The following DISC1 variants were observed in gnomAD, a reference collection of about 807,000 sequenced individuals.
DISC1 encodes the protein DISC1 scaffold protein.
DISC1 carries 57 observed loss-of-function variants against 84.5 expected under a neutral mutation model. That is an observed-to-expected ratio of 0.67 (90% CI 0.55 to 0.84). DISC1 has a LOEUF of 0.84. Ranked by LOEUF, DISC1 falls within the 40% of genes least tolerant of loss-of-function variation. DISC1 has a pLI of 0.00. For missense variants in DISC1, 1,000 were observed against 1,057.8 expected (o/e 0.95, Z 0.76); for synonymous variants, 411 against 415.2 (o/e 0.99, Z 0.12).
intron 9 of DISC1, among the ~76,000 whole-genome samples, chr1:231,850,056 T>C (rs1413345224): frequency 6.6e-6 from 1 of 152,214 alleles, no homozygotes; most frequent in African/African-American, 2.4e-5. Flanking sequence ...CTATCTTAAT[T>C]AATCTTGATT....
At chr1:231,931,445 C>T (rs190365872) in intron 9 of DISC1, among the ~76,000 whole-genome samples, 85 of 152,212 alleles carry the variant, frequency 5.6e-4, no homozygotes, top group African/African-American at 1.9e-3. Flanking sequence ...AGAGGGTTTG[C>T]GTATAAAATT....
rs1670044886 is a variant in DISC1 at position 232,031,481 on chromosome 1, A to G, written c.2425+4929A>G. Among the ~76,000 whole-genome samples the G allele has an allele frequency of 6.6e-6, 1 of 150,900 alleles. No homozygotes were observed. Among genetic ancestry groups the G allele is most frequent in the South Asian group, 2.1e-4 (1 of 4,656 alleles). On this transcript the variant is annotated intron_variant, in intron 12 of 12. Coordinates refer to ENST00000439617, the MANE Select transcript of DISC1 (RefSeq NM_018662.3). This position sits in a 1 kb window ranked among gnomAD's most constrained non-coding sequence, Gnocchi z 4.6. ...GGAAGGGAGAAGGGAAGGGAGCAAA[A>G]GGGAAGGAAAGAAAGAAAGGAAAGG...
At chr1:231,720,449 C>T (rs1558417916) in intron 3 of DISC1, among the ~76,000 whole-genome samples, 1 of 152,162 alleles carries the variant, frequency 6.6e-6, no homozygotes. Flanking sequence ...GGCGATCCTC[C>T]TGCCTCAGCC....
At chr1:231,895,085 GT>G (rs201845661) in intron 9 of DISC1, among the ~76,000 whole-genome samples, 292 of 145,638 alleles carry the variant, frequency 2.0e-3, no homozygotes, top group East Asian at 8.0e-3. Context: ...TGTCCCATCT[GT>G]TTTTTTTTTC....
intron 1 of DISC1, among the ~76,000 whole-genome samples, chr1:231,688,509 C>T (rs960345144): frequency 2.0e-5 from 3 of 152,198 alleles, no homozygotes; most frequent in Non-Finnish European, 4.4e-5. Flanking sequence ...TTCTTTTTCA[C>T]CAAATGCAGC....
rs959098490 is a variant in DISC1, at chr1:231,626,894, C to T, written c.27C>T (p.Ala9=). Reference sequence around the variant, plus strand: ...TGCCAGGCGGGGGTCCTCAGGGCGCCCCAGCCGCCGCCGGCGGCGGCGGCG... The same window carrying T: ...TGCCAGGCGGGGGTCCTCAGGGCGCTCCAGCCGCCGCCGGCGGCGGCGGCG... MPGGGPQG[A]PAAAGGGGVS... The change falls in exon 1 of 13, where the codon GCC becomes GCT. Residue 9 remains alanine (A), a synonymous_variant. Coordinates refer to ENST00000439617, the MANE Select transcript of DISC1 (RefSeq NM_018662.3). 4 of 1,500,482 alleles carry T rather than the reference C, an allele frequency of 2.7e-6. No individual in the cohort carries two copies. Among genetic ancestry groups the T allele is most frequent in the Non-Finnish European group, 3.5e-6 (4 of 1,133,540 alleles). The allele number at this position is 1,500,482 out of a possible 1,614,324, so 92.9% of individuals were successfully genotyped here.
intron 3 of DISC1, chr1:231,722,645 A>G (rs1471808252): frequency 1.2e-6 from 2 of 1,613,716 alleles, no homozygotes; most frequent in African/African-American, 1.3e-5. Flanking sequence ...ATAGATATCC[A>G]CACAGCGTAG....
intron 6 of DISC1, among the ~76,000 whole-genome samples, chr1:231,779,299 T>C (rs941813365): frequency 4.6e-5 from 7 of 152,194 alleles, no homozygotes; most frequent in African/African-American, 1.7e-4. Context: ...TTTCTTCTGA[T>C]ACAAAGACCA....
intron 8 of DISC1, among the ~76,000 whole-genome samples, chr1:231,811,034 A>G (rs957007944): frequency 6.6e-6 from 1 of 152,098 alleles, no homozygotes; most frequent in Non-Finnish European, 1.5e-5. Context: ...ATATTTAGTC[A>G]GTCACCAGGC....
intron 6 of DISC1, among the ~76,000 whole-genome samples, chr1:231,790,210 C>G (rs533509538): frequency 1.3e-5 from 2 of 152,240 alleles, no homozygotes; most frequent in East Asian, 3.9e-4. Context: ...ACTCTTTTTA[C>G]CTGGATCGTG....
At chr1:231,980,729 T>G (rs1329794631) in intron 10 of DISC1, among the ~76,000 whole-genome samples, 1 of 152,218 alleles carries the variant, frequency 6.6e-6, no homozygotes, top group Non-Finnish European at 1.5e-5. Flanking sequence ...AATTTCTCTT[T>G]GCTCAAGAGC....
At chr1:231,984,603 G>C (rs1052543602) in intron 10 of DISC1, among the ~76,000 whole-genome samples, 2 of 152,160 alleles carry the variant, frequency 1.3e-5, no homozygotes, top group Non-Finnish European at 2.9e-5. Flanking sequence ...CTGGGGACCA[G>C]GGGTACAAGG....
chr1:231,933,789 G>A (rs1203316918), intron 9 of DISC1, among the ~76,000 whole-genome samples: 2 of 152,136 alleles, frequency 1.3e-5, no homozygotes, highest in African/African-American at 2.4e-5. Context: ...ATTACAACCC[G>A]AAAGTTTGGG....
intron 10 of DISC1, among the ~76,000 whole-genome samples, chr1:231,979,598 C>CATAT (rs147080360): frequency 0.01 from 1,529 of 149,096 alleles, 29 homozygotes; most frequent in African/African-American, 0.035. Flanking sequence ...AGTATAATGA[C>CATAT]ATATATATAT....
rs376489844 is a variant in DISC1, at chr1:232,000,022, G to A, written c.2043-8763G>A. On this transcript the variant is annotated intron_variant, in intron 10 of 12. Transcript: ENST00000439617. ...ATAAAAAAATTAAATGGAACTCAACGTTTTTTAACATAATGACCCACATGC... is the reference window on the plus strand; with the variant it reads ...ATAAAAAAATTAAATGGAACTCAACATTTTTTAACATAATGACCCACATGC... Among the ~76,000 whole-genome samples the A allele has an allele frequency of 4.6e-5, 7 of 152,216 alleles. No homozygotes were observed. The East Asian group carries it at 9.6e-4, about 21-fold the overall frequency.
At chr1:231,914,152 C>T (rs778931275) in intron 9 of DISC1, among the ~76,000 whole-genome samples, 24 of 152,212 alleles carry the variant, frequency 1.6e-4, no homozygotes, top group Admixed American at 7.9e-4. Flanking sequence ...GTTTACAATA[C>T]GGCTGCCCCA....
chr1:231,781,788 C>T (rs1034292309), intron 6 of DISC1, among the ~76,000 whole-genome samples: 34 of 152,194 alleles, frequency 2.2e-4, no homozygotes, highest in Non-Finnish European at 4.4e-4. Flanking sequence ...TCAGGCTAAA[C>T]TCTTCTTCAG....
In DISC1 at chr1:231,801,962, G is replaced by A. The variant is rs368242188; in HGVS notation, c.1792+1752G>A. On this transcript the variant is annotated intron_variant, in intron 8 of 12. Coordinates refer to ENST00000439617, the MANE Select transcript of DISC1 (RefSeq NM_018662.3). ...GCCTCCCAAGTAGCTGGGACTACAG[G>A]CACCCGCCACCACGCCCGGCTAATT... Among the ~76,000 whole-genome samples, 31 of 152,028 alleles carry A rather than the reference G, an allele frequency of 2.0e-4. 1 individual carries two copies. In the South Asian group the frequency reaches 6.5e-3, roughly 32 times the overall value.
intron 9 of DISC1, among the ~76,000 whole-genome samples, chr1:231,857,975 T>A (rs1268489605): frequency 1.3e-5 from 2 of 152,210 alleles, no homozygotes; most frequent in South Asian, 2.1e-4. Context: ...ATCAGCTAAC[T>A]CTTGCCGCTA....
Sources: gnomAD v4.1 joint callset for allele counts (sites outside exome capture counted in the v4.1 genomes callset) on GRCh38, gnomAD v4.1.1 for gene constraint, Gnocchi (gnomAD v3.1) non-coding constraint, MANE v1.5 for transcripts, NCBI Gene and HGNC (gene_info 2026-07-23, HGNC 2026-07-21) for gene names.